The following CHCHD6 variants were observed in gnomAD, a reference collection of about 807,000 sequenced individuals.
The protein encoded by CHCHD6 is MICOS complex subunit MIC25.
Under a neutral mutation model 32.3 loss-of-function variants are expected in CHCHD6, and 28 were observed. That is an observed-to-expected ratio of 0.87 (90% CI 0.64 to 1.19). The LOEUF (loss-of-function observed/expected upper bound fraction) is 1.19. Among genes scored for constraint, CHCHD6 ranks in the 50% most tolerant of loss-of-function variants. The pLI, the probability that CHCHD6 is intolerant of heterozygous loss-of-function variation, is 0.00. For synonymous variants in CHCHD6, 122 were observed against 117.5 expected (o/e 1.04, Z -0.25); for missense variants, 333 against 307.0 (o/e 1.08, Z -0.63).
chr3:126,787,720 T>A (rs1000094687), intron 4 of CHCHD6, among the ~76,000 whole-genome samples: 4 of 152,366 alleles, frequency 2.6e-5, no homozygotes, highest in African/African-American at 9.6e-5. Context: ...TTAAGGAGAT[T>A]TTGGGCTGAG....
chr3:126,933,853 TATCTTTAAC>T (rs2078439686), intron 6 of CHCHD6, among the ~76,000 whole-genome samples: 1 of 152,244 alleles, frequency 6.6e-6, no homozygotes, highest in African/African-American at 2.4e-5. Flanking sequence ...TGTTTTTATT[TATCTTTAAC>T]ATACAAGCCA....
intron 5 of CHCHD6, among the ~76,000 whole-genome samples, chr3:126,865,256 A>G (rs1942250615): frequency 1.4e-5 from 2 of 144,478 alleles, no homozygotes; most frequent in Admixed American, 6.9e-5. Flanking sequence ...CTACCTTGAC[A>G]TCTACGTTCA....
At chr3:126,733,727 T>C (rs577870691) in intron 4 of CHCHD6, among the ~76,000 whole-genome samples, 1 of 152,216 alleles carries the variant, frequency 6.6e-6, no homozygotes, top group Non-Finnish European at 1.5e-5. Context: ...TCAGAGGAGA[T>C]AGTATTTGTC....
At chr3:126,784,286 G>A (rs969295901) in intron 4 of CHCHD6, among the ~76,000 whole-genome samples, 4 of 152,120 alleles carry the variant, frequency 2.6e-5, no homozygotes, top group East Asian at 1.9e-4. Flanking sequence ...TTTGCTCTTC[G>A]TGCTCTCTTT....
chr3:126,932,362 T>C (rs1487544666), intron 6 of CHCHD6, among the ~76,000 whole-genome samples: 1 of 152,184 alleles, frequency 6.6e-6, no homozygotes, highest in Non-Finnish European at 1.5e-5. Context: ...AAGTGATTGC[T>C]ATGAGTCCTG....
At chr3:126,912,334 G>A (rs768552625) in intron 5 of CHCHD6, among the ~76,000 whole-genome samples, 3 of 152,080 alleles carry the variant, frequency 2.0e-5, no homozygotes, top group Non-Finnish European at 4.4e-5. Context: ...CTACCGCCTC[G>A]CCCAGGACAG....
chr3:126,882,245 C>T (rs912822570), intron 5 of CHCHD6, among the ~76,000 whole-genome samples: 2 of 152,238 alleles, frequency 1.3e-5, no homozygotes, highest in East Asian at 3.8e-4. Flanking sequence ...ACCTCTCTTA[C>T]ATTTCCACCT....
intron 5 of CHCHD6, among the ~76,000 whole-genome samples, chr3:126,888,212 C>T (rs1037984113): frequency 6.6e-6 from 1 of 152,132 alleles, no homozygotes; most frequent in Admixed American, 6.5e-5. Context: ...GGAGGCCCTC[C>T]GGACTCTGGG....
intron 6 of CHCHD6, among the ~76,000 whole-genome samples, chr3:126,940,564 T>A (rs555627978): frequency 1.3e-5 from 2 of 152,308 alleles, no homozygotes; most frequent in Middle Eastern, 3.4e-3. Context: ...AGGGAGTTTC[T>A]GGGTCAAAGG....
At chr3:126,791,206 G>A (rs891321283) in intron 4 of CHCHD6, among the ~76,000 whole-genome samples, 3 of 152,232 alleles carry the variant, frequency 2.0e-5, no homozygotes, top group Non-Finnish European at 2.9e-5. Context: ...AGGGGTACCC[G>A]GCCGTTTGAG....
At chr3:126,937,746 A>G (rs1385721567) in intron 6 of CHCHD6, among the ~76,000 whole-genome samples, 1 of 152,112 alleles carries the variant, frequency 6.6e-6, no homozygotes, top group Non-Finnish European at 1.5e-5. Flanking sequence ...TAGGCTTTGT[A>G]TCCTCAGGCT....
In CHCHD6 at chr3:126,766,365, C is replaced by T. The variant is rs537091761; in HGVS notation, c.411+33143C>T. On this transcript the variant is annotated intron_variant, in intron 4 of 7. Coordinates refer to ENST00000290913, the MANE Select transcript of CHCHD6 (RefSeq NM_032343.3). ...CTTTTTTAAATACCTCGTTTGACTT[C>T]CCATCCCAGTGCACATGGAAGTGAC... 10 of 473,804 alleles carry T rather than the reference C, an allele frequency of 2.1e-5. No homozygotes were observed. The South Asian group carries it at 2.1e-4, about 10-fold the overall frequency. The allele number at this position is 473,804 out of a possible 1,614,324, so 29.3% of individuals were successfully genotyped here. A position where few individuals can be genotyped will look rare whatever the true frequency, so the allele number is the denominator to read the frequency against.
chr3:126,749,935 G>A (rs1021822035), intron 4 of CHCHD6, among the ~76,000 whole-genome samples: 1 of 152,166 alleles, frequency 6.6e-6, no homozygotes, highest in African/African-American at 2.4e-5. Flanking sequence ...CACCACTGTT[G>A]TTTGTTGCCT....
intron 5 of CHCHD6, among the ~76,000 whole-genome samples, chr3:126,863,965 A>G (rs879182770): frequency 6.9e-6 from 1 of 144,486 alleles, no homozygotes; most frequent in South Asian, 2.3e-4. Context: ...CTCCTCCACC[A>G]TCACCACCTC....
At chr3:126,929,278 C>T (rs2078368428) in intron 6 of CHCHD6, among the ~76,000 whole-genome samples, 1 of 152,198 alleles carries the variant, frequency 6.6e-6, no homozygotes, top group Non-Finnish European at 1.5e-5. Context: ...AGCCAGAATG[C>T]AGTGCAGGCA....
intron 1 of CHCHD6, among the ~76,000 whole-genome samples, chr3:126,719,010 G>GC (rs1238777318): frequency 6.6e-6 from 1 of 152,106 alleles, no homozygotes; most frequent in Admixed American, 6.5e-5. Context: ...TTCCATTCCT[G>GC]CCCCCTGGGG....
chr3:126,866,223 C>T (rs532800064), intron 5 of CHCHD6, among the ~76,000 whole-genome samples: 1 of 152,258 alleles, frequency 6.6e-6, no homozygotes, highest in East Asian at 1.9e-4. Context: ...CTGTCTGTCT[C>T]CAAAGCTGGT....
Position 126,766,617 on chromosome 3 carries a change from T to TCC in CHCHD6, c.411+33398_411+33399dup. ...TGGGCTTGTGGTCCCTTAGCCCAGT[T>TCC]CCCCGAAGGTCGGTGATGGGCCCCA... is the stretch of plus-strand genomic sequence containing the variant. On this transcript the variant is annotated intron_variant, in intron 4 of 7. Coordinates refer to ENST00000290913, the MANE Select transcript of CHCHD6 (RefSeq NM_032343.3). 18 of 1,081,910 alleles carry TCC rather than the reference T, an allele frequency of 1.7e-5. No individual in the cohort carries two copies. The South Asian group carries it at 2.1e-4, about 13-fold the overall frequency. 67.0% of individuals were successfully genotyped at this position (1,081,910 alleles called of 1,614,324 possible).
chr3:126,957,437 C>T lies in CHCHD6; in HGVS notation c.588C>T (p.Val196=). ...GCAGGCCCCGCAGGGTGGAGCCCGT[C>T]TGCTCAGGGTTGCAGGCCCAGATTC... ...STIKPRRVEP[V]CSGLQAQILH... is the part of the protein sequence containing the mutation. Residue 196 remains valine (V), a synonymous_variant, in exon 7 of 8, where the codon GTC becomes GTT. Transcript: ENST00000290913. 1 of 1,611,700 alleles carries T rather than the reference C, an allele frequency of 6.2e-7. No individual in the cohort carries two copies.
Sources: gnomAD v4.1 joint callset for allele counts (sites outside exome capture counted in the v4.1 genomes callset) on GRCh38, gnomAD v4.1.1 for gene constraint, MANE v1.5 for transcripts, NCBI Gene and HGNC (gene_info 2026-07-23, HGNC 2026-07-21) for gene names.